The following RASSF8 variants were observed in gnomAD, a reference collection of about 807,000 sequenced individuals.
RASSF8 encodes ras association domain-containing protein 8.
In RASSF8, 22 loss-of-function variants were observed where a neutral mutation model predicts 48.5. The ratio of observed to expected loss-of-function variants is 0.45; its 90% CI spans 0.32 to 0.65. The LOEUF (loss-of-function observed/expected upper bound fraction) is 0.65. Among genes scored for constraint, RASSF8 ranks in the 30% least tolerant of loss-of-function variants. The probability of loss-of-function intolerance (pLI) is 0.03; values close to 1 mark genes in which losing one functional copy is unlikely to be tolerated. For missense variants in RASSF8, 418 were observed against 489.2 expected (o/e 0.85, Z 1.37); for synonymous variants, 127 against 171.5 (o/e 0.74, Z 2.03).
chr12:25,993,623 G>C (rs559918466), intron 1 of RASSF8, among the ~76,000 whole-genome samples: 15 of 152,242 alleles, frequency 9.9e-5, no homozygotes, highest in African/African-American at 3.4e-4. Flanking sequence ...TTCGCAGCAG[G>C]GTTGACCCTT....
intron 4 of RASSF8, 31 bp downstream of exon 4, chr12:26,065,418 G>C (rs1457785339): frequency 1.3e-6 from 2 of 1,548,332 alleles, no homozygotes; most frequent in Non-Finnish European, 1.7e-6. Flanking sequence ...AGAATGTTTG[G>C]CCCATGTAAA....
intron 2 of RASSF8, among the ~76,000 whole-genome samples, chr12:26,009,239 G>T (rs574306375): frequency 1.3e-5 from 2 of 152,158 alleles, no homozygotes; most frequent in African/African-American, 2.4e-5. Context: ...ACTCATGATG[G>T]AATTTTGTGC....
chr12:26,044,770 T>C (rs1943337385), intron 2 of RASSF8, among the ~76,000 whole-genome samples: 1 of 152,198 alleles, frequency 6.6e-6, no homozygotes, highest in African/African-American at 2.4e-5. Context: ...TCCAGTAGTA[T>C]GAAACACTCA....
intron 1 of RASSF8, among the ~76,000 whole-genome samples, chr12:25,979,852 G>A (rs10842648): frequency 0.36 from 54,501 of 152,044 alleles, 11,170 homozygotes; most frequent in Non-Finnish European, 0.46. Flanking sequence ...ACTAGCAGTA[G>A]GGGAGCTGGA....
intron 1 of RASSF8, among the ~76,000 whole-genome samples, chr12:25,960,544 A>G (rs773293842): frequency 9.2e-5 from 14 of 152,230 alleles, no homozygotes; most frequent in Non-Finnish European, 1.6e-4. Flanking sequence ...AAAATTACAC[A>G]TGACCATCCC....
At chr12:25,959,918 A>G (rs776915985) in intron 1 of RASSF8, among the ~76,000 whole-genome samples, 1 of 152,158 alleles carries the variant, frequency 6.6e-6, no homozygotes, top group African/African-American at 2.4e-5. Context: ...GCAACGTAGG[A>G]TATATAATTG....
intron 2 of RASSF8, among the ~76,000 whole-genome samples, chr12:26,000,003 T>G (rs973980217): frequency 1.3e-5 from 2 of 152,240 alleles, no homozygotes; most frequent in African/African-American, 4.8e-5. Context: ...TATATTGATT[T>G]GTAAGTTGAA....
chr12:26,015,058 A>T (rs1446528595), intron 2 of RASSF8, among the ~76,000 whole-genome samples: 1 of 151,406 alleles, frequency 6.6e-6, no homozygotes, highest in Non-Finnish European at 1.5e-5. Context: ...AAAAAATAGA[A>T]ATTAGCCAGG....
At chr12:26,073,242 A>G (rs1354754111), downstream of RASSF8, among the ~76,000 whole-genome samples, 1 of 152,170 alleles carries the variant, frequency 6.6e-6, no homozygotes, top group East Asian at 1.9e-4. Flanking sequence ...CTGCTCCTAA[A>G]TCACACAACC....
chr12:26,035,136 T>G (rs1405445063), intron 2 of RASSF8, among the ~76,000 whole-genome samples: 1 of 152,048 alleles, frequency 6.6e-6, no homozygotes, highest in Non-Finnish European at 1.5e-5. Flanking sequence ...TAGGCTGTAC[T>G]AAGGCACTGA....
downstream of RASSF8, among the ~76,000 whole-genome samples, chr12:26,074,103 T>A (rs1253683980): frequency 1.3e-5 from 2 of 152,084 alleles, no homozygotes; most frequent in Non-Finnish European, 2.9e-5. Context: ...AAAATGTTAA[T>A]TATCCACCCT....
chr12:25,973,460 C>T (rs777139733), intron 1 of RASSF8, among the ~76,000 whole-genome samples: 16 of 152,132 alleles, frequency 1.1e-4, no homozygotes, highest in South Asian at 2.1e-4. Context: ...ATCATCCATC[C>T]GTCAGCTGGA....
chr12:26,003,990 A>G (rs966051098), intron 2 of RASSF8, among the ~76,000 whole-genome samples: 1 of 152,116 alleles, frequency 6.6e-6, no homozygotes, highest in Non-Finnish European at 1.5e-5. Flanking sequence ...CAGACAGGGC[A>G]ACATGGTGAA....
intron 1 of RASSF8, among the ~76,000 whole-genome samples, chr12:25,979,492 TAAAAA>T (rs200095674): frequency 6.7e-6 from 1 of 149,392 alleles, no homozygotes; most frequent in Non-Finnish European, 1.5e-5. Flanking sequence ...ATTGGAGACT[TAAAAA>T]AAAAAGATAA....
chr12:26,032,439 C>T (rs1943048744), intron 2 of RASSF8, among the ~76,000 whole-genome samples: 1 of 152,006 alleles, frequency 6.6e-6, no homozygotes, highest in South Asian at 2.1e-4. Flanking sequence ...GAAGTATTTC[C>T]CAAAGTCAAG....
rs145729254 is a variant in RASSF8 at position 25,984,579 on chromosome 12, G to C, written c.-202-10458G>C. ...GATGGTCTCGACCTCTTGACCTCATGATCTGCCAACCTTGGCCTCCCAAAG... is the reference window on the plus strand; with the variant it reads ...GATGGTCTCGACCTCTTGACCTCATCATCTGCCAACCTTGGCCTCCCAAAG... On this transcript the variant is annotated intron_variant, in intron 1 of 5. Coordinates refer to ENST00000689635, the MANE Select transcript of RASSF8 (RefSeq NM_001394098.1). Among the ~76,000 whole-genome samples, 402 of 152,284 alleles carry C rather than the reference G, an allele frequency of 2.6e-3. 4 individuals are homozygous for C. Among genetic ancestry groups the C allele is most frequent in the African/African-American group, 9.1e-3 (380 of 41,556 alleles).
At chr12:25,976,093 C>T (rs1172209361) in intron 1 of RASSF8, among the ~76,000 whole-genome samples, 1 of 152,146 alleles carries the variant, frequency 6.6e-6, no homozygotes, top group Non-Finnish European at 1.5e-5. Context: ...CCCAGGCTGC[C>T]AGTGAGGCAG....
intron 1 of RASSF8, among the ~76,000 whole-genome samples, chr12:25,968,935 A>G (rs1941420595): frequency 6.6e-6 from 1 of 152,238 alleles, no homozygotes; most frequent in Admixed American, 6.5e-5. Context: ...ATTTGAGTAG[A>G]GACCTTAATG....
intron 2 of RASSF8, among the ~76,000 whole-genome samples, chr12:26,053,308 A>G (rs956538182): frequency 3.3e-5 from 5 of 152,182 alleles, no homozygotes; most frequent in African/African-American, 1.2e-4. Context: ...TTTAATGAAT[A>G]AGAAGGCACT....
Sources: allele counts gnomAD v4.1 joint callset (sites outside exome capture counted in the v4.1 genomes callset), GRCh38; gene constraint gnomAD v4.1.1; transcripts MANE v1.5; gene names NCBI Gene and HGNC (gene_info 2026-07-23, HGNC 2026-07-21).